The following ALDH18A1 variants were observed in gnomAD, a reference collection of about 807,000 sequenced individuals.
ALDH18A1 encodes delta-1-pyrroline-5-carboxylate synthase.
ALDH18A1 carries 44 observed loss-of-function variants against 88.8 expected under a neutral mutation model. The ratio of observed to expected loss-of-function variants is 0.50; its 90% CI spans 0.39 to 0.64. The LOEUF is 0.64. Ranked by LOEUF, ALDH18A1 falls within the 30% of genes least tolerant of loss-of-function variation. The pLI is 0.00. For missense variants in ALDH18A1, 782 were observed against 1,009.5 expected (o/e 0.77, Z 3.05); for synonymous variants, 331 against 372.1 (o/e 0.89, Z 1.27).
chr10:95,643,228 G>T lies in ALDH18A1; in HGVS notation c.89-22C>A, dbSNP rs541987484. ...CAATCTGTAGCCATCAAAGTCAAAT[G>T]CAAGAAAAAAAGAAATACTCAATAT... On this transcript the variant is annotated intron_variant, in intron 2 of 17. Coordinates refer to ENST00000371224, the MANE Select transcript of ALDH18A1 (RefSeq NM_002860.4). 60 of 1,610,890 alleles carry T rather than the reference G, an allele frequency of 3.7e-5. 1 individual carries two copies. In the Admixed American group the frequency reaches 8.2e-4, roughly 22 times the overall value.
intron 12 of ALDH18A1, 146 bp from the exon 13 acceptor site, chr10:95,616,760 A>AGTGTT: frequency 9.5e-7 from 1 of 1,049,168 alleles, no homozygotes; most frequent in African/African-American, 1.6e-5. Context: ...ACAACACTGC[A>AGTGTT]GTGAATTAAG....
At chr10:95,650,229 T>C (rs983479259) in intron 2 of ALDH18A1, among the ~76,000 whole-genome samples, 3 of 152,182 alleles carry the variant, frequency 2.0e-5, no homozygotes, top group Non-Finnish European at 4.4e-5. Flanking sequence ...CTGATAAATT[T>C]GACGTCATCA....
chr10:95,606,249 G>C lies in ALDH18A1; in HGVS notation c.*513C>G. On this transcript the variant is annotated 3_prime_UTR_variant, in exon 18 of 18. Coordinates refer to ENST00000371224, the MANE Select transcript of ALDH18A1 (RefSeq NM_002860.4). ...AATACAAAAGGTCAATCTTCCCAGT[G>C]GAAATGATTCCATCGATTTTTGTGA... is the stretch of plus-strand genomic sequence containing the variant. The C allele has an allele frequency of 3.0e-6, 3 of 997,516 alleles. No homozygotes were observed. The allele number at this position is 997,516 out of a possible 1,614,324, so 61.8% of individuals were successfully genotyped here. A position where few individuals can be genotyped will look rare whatever the true frequency, so the allele number is the denominator to read the frequency against.
chr10:95,614,219 ACAG>A, intron 13 of ALDH18A1, 58 bp from the exon 14 acceptor site: 1 of 1,546,278 alleles, frequency 6.5e-7, no homozygotes. Flanking sequence ...AAATATAAAA[ACAG>A]CAGCTTCCCT....
chr10:95,625,230 A>G (rs2097858623), intron 11 of ALDH18A1, 132 bp downstream of exon 11: 2 of 838,444 alleles, frequency 2.4e-6, no homozygotes, highest in African/African-American at 1.7e-5. Context: ...CTCAATAGAA[A>G]TGATACATAA....
intron 1 of ALDH18A1, among the ~76,000 whole-genome samples, chr10:95,654,289 C>T (rs188902740): frequency 2.5e-4 from 38 of 151,892 alleles, no homozygotes; most frequent in Admixed American, 2.2e-3. Context: ...CTCAGCCTCC[C>T]GAGTAGCTGG....
At chr10:95,631,641 G>C (rs1397864997) in intron 7 of ALDH18A1, among the ~76,000 whole-genome samples, 1 of 151,158 alleles carries the variant, frequency 6.6e-6, no homozygotes, top group Non-Finnish European at 1.5e-5. Context: ...TACTCGGGAG[G>C]CTGAGGCAGG....
Position 95,621,196 on chromosome 10 carries a change from G to A in ALDH18A1, c.1302C>T (p.Asn434=). 6.2e-7 allele frequency: 1 copy of A among 1,614,072 alleles called. No homozygotes were observed. The highest frequency in any genetic ancestry group is 8.5e-7 in the Non-Finnish European group (1 of 1,180,024). The part of the protein sequence containing the change: ...KRLSLSTSKL[N]SLAIGLRQIA... Reference sequence around the variant, plus strand: ...TCTGTCGCAGACCGATGGCCAGGCTGTTCAATTTGGATGTGGAGAGGCTTA... The same window carrying A: ...TCTGTCGCAGACCGATGGCCAGGCTATTCAATTTGGATGTGGAGAGGCTTA... The change falls in exon 12 of 18, where the codon AAC becomes AAT. Residue 434 remains asparagine (N), a synonymous_variant. Coordinates refer to ENST00000371224, the MANE Select transcript of ALDH18A1 (RefSeq NM_002860.4).
In ALDH18A1 at chr10:95,622,231, T is replaced by G. The variant is rs566715368; in HGVS notation, c.1247-980A>C. On this transcript the variant is annotated intron_variant, in intron 11 of 17. Coordinates refer to ENST00000371224, the MANE Select transcript of ALDH18A1 (RefSeq NM_002860.4). The stretch of plus-strand genomic sequence containing the variant: ...TTTTCTTTTAGAGACAGGGTCTCAG[T>G]GTGCCGCCCAGGCTAGACTGCAGTG... 8.5e-5 allele frequency among the ~76,000 whole-genome samples: 13 copies of G among 152,308 alleles called. No individual in the cohort carries two copies. The South Asian group carries it at 2.5e-3, about 29-fold the overall frequency.
intron 10 of ALDH18A1, among the ~76,000 whole-genome samples, chr10:95,625,992 C>G (rs1407618139): frequency 6.6e-6 from 1 of 152,008 alleles, no homozygotes; most frequent in Non-Finnish European, 1.5e-5. Context: ...GTCCTAGGTA[C>G]TTGAAGACAC....
intron 2 of ALDH18A1, among the ~76,000 whole-genome samples, chr10:95,649,930 G>A (rs1449402405): frequency 6.6e-6 from 1 of 151,660 alleles, no homozygotes; most frequent in Non-Finnish European, 1.5e-5. Context: ...CTGTGGTGGT[G>A]CAACCCATAG....
In ALDH18A1 at chr10:95,633,590, T is replaced by C. The variant is rs1279191445; in HGVS notation, c.618A>G (p.Thr206=). 1.2e-6 allele frequency: 2 copies of C among 1,614,116 alleles called. No individual in the cohort carries two copies. Among genetic ancestry groups the C allele is most frequent in the Non-Finnish European group, 1.7e-6 (2 of 1,180,020 alleles). ...TGTTCATTCTAAGGAGTTCATGAAG[T>C]GTTCCATTGAGGTTCCGGCGCTTCT... The part of the protein sequence containing the change: ...DEQKRRNLNG[T]LHELLRMNIV... The change falls in exon 6 of 18, where the codon ACA becomes ACG. Residue 206 remains threonine, a synonymous_variant. Coordinates refer to ENST00000371224, the MANE Select transcript of ALDH18A1 (RefSeq NM_002860.4).
rs936920090 is a variant in ALDH18A1, at chr10:95,614,159, C to A, written c.1608G>T (p.Val536=). ...IHGVKEAVQL[V]NTREEVEDLC... ...GATCTTCAACTTCTTCTCTGGTATT[C>A]ACCTTTAGAAGGAAAGAAGAAAAAG... The change falls in exon 14 of 18, where the codon GTG becomes GTT. Residue 536 remains valine (V), a splice_region_variant and synonymous_variant. Coordinates refer to ENST00000371224, the MANE Select transcript of ALDH18A1 (RefSeq NM_002860.4). The A allele has an allele frequency of 2.5e-6, 4 of 1,613,934 alleles. No individual in the cohort carries two copies. In the African/African-American group the frequency reaches 5.3e-5, roughly 22 times the overall value.
rs1173762084 is a variant in ALDH18A1, at chr10:95,627,483, C to T, written c.1037G>A (p.Gly346Glu). The T allele has an allele frequency of 6.2e-7, 1 of 1,614,132 alleles. No homozygotes were observed. Among genetic ancestry groups the T allele is most frequent in the Non-Finnish European group, 8.5e-7 (1 of 1,179,986 alleles). ...TGAAAAGAAGGTACCAACTTTCTTCCCCTCCACAATGTCTGTGATGACGTG... is the reference window on the plus strand; with the variant it reads ...TGAAAAGAAGGTACCAACTTTCTTCTCCTCCACAATGTCTGTGATGACGTG... ...SGHVITDIVE[G>E]KKVGTFFSEV... is the part of the protein sequence containing the mutation. Residue 346 changes from glycine (G) to glutamate (E), a missense_variant, in exon 9 of 18, where the codon GGG becomes GAG. Physicochemically the swap from Gly to Glu is moderately conservative, Grantham distance 98. Transcript: ENST00000371224.
intron 11 of ALDH18A1, among the ~76,000 whole-genome samples, chr10:95,622,155 AAT>A: frequency 6.6e-6 from 1 of 152,150 alleles, no homozygotes; most frequent in East Asian, 1.9e-4. Flanking sequence ...TAAAATGTTA[AAT>A]ATTTTGGGAA....
At chr10:95,647,809 CCTAT>C (rs2097903649) in intron 2 of ALDH18A1, among the ~76,000 whole-genome samples, 1 of 152,236 alleles carries the variant, frequency 6.6e-6, no homozygotes, top group Non-Finnish European at 1.5e-5. Context: ...TTCAATCATG[CCTAT>C]CCAATAAGTC....
intron 11 of ALDH18A1, among the ~76,000 whole-genome samples, chr10:95,624,208 A>G (rs748069394): frequency 6.6e-6 from 1 of 152,248 alleles, no homozygotes; most frequent in Non-Finnish European, 1.5e-5. Flanking sequence ...AGCCACGCTC[A>G]TGTATACCCA....
chr10:95,615,987 C>T (rs146180773), intron 13 of ALDH18A1, among the ~76,000 whole-genome samples: 148 of 152,238 alleles, frequency 9.7e-4, no homozygotes, highest in Non-Finnish European at 1.5e-3. Context: ...CAAGTAGTAG[C>T]TATTATTATC....
chr10:95,645,899 T>C (rs2097900548), intron 2 of ALDH18A1, among the ~76,000 whole-genome samples: 1 of 152,158 alleles, frequency 6.6e-6, no homozygotes, highest in Admixed American at 6.5e-5. Context: ...GGGTTAATTA[T>C]TAATAATATA....
Sources: allele counts gnomAD v4.1 joint callset (sites outside exome capture counted in the v4.1 genomes callset), GRCh38; gene constraint gnomAD v4.1.1; transcripts MANE v1.5; gene names NCBI Gene and HGNC (gene_info 2026-07-23, HGNC 2026-07-21).